COX7B2: variants seen among roughly 807,000 people sequenced by gnomAD.
COX7B2 encodes cytochrome c oxidase subunit 7B2, mitochondrial.
For synonymous variants in COX7B2, 37 were observed against 32.1 expected (o/e 1.15, Z -0.51); for missense variants, 109 against 95.9 (o/e 1.14, Z -0.57).
At chr4:46,845,690 C>T (rs1012643288) in intron 1 of COX7B2, among the ~76,000 whole-genome samples, 1 of 151,718 alleles carries the variant, frequency 6.6e-6, no homozygotes, top group Non-Finnish European at 1.5e-5. Flanking sequence ...AAAAACAGTC[C>T]ACAGAAGAAA....
chr4:46,738,403 C>A (rs1162626488), intron 2 of COX7B2, among the ~76,000 whole-genome samples: 2 of 152,058 alleles, frequency 1.3e-5, no homozygotes, highest in Non-Finnish European at 2.9e-5. Flanking sequence ...ACTAAGAATT[C>A]TCCTTTAGGA....
intron 2 of COX7B2, among the ~76,000 whole-genome samples, chr4:46,765,087 A>T (rs995090752): frequency 6.6e-6 from 1 of 152,008 alleles, no homozygotes; most frequent in South Asian, 2.1e-4. Flanking sequence ...TGTCAACAAG[A>T]TGGCAGAATG....
At chr4:46,764,213 T>C (rs753068954) in intron 2 of COX7B2, among the ~76,000 whole-genome samples, 3 of 152,194 alleles carry the variant, frequency 2.0e-5, no homozygotes, top group Non-Finnish European at 4.4e-5. Context: ...TTTTTGAAGA[T>C]GCTATCCATT....
chr4:46,861,425 G>A (rs1212804585), intron 1 of COX7B2, among the ~76,000 whole-genome samples: 1 of 152,118 alleles, frequency 6.6e-6, no homozygotes, highest in Non-Finnish European at 1.5e-5. Flanking sequence ...CTCTGTGTCT[G>A]GTAGAGAACC....
chr4:46,774,061 C>T (rs1717027662), intron 2 of COX7B2, among the ~76,000 whole-genome samples: 1 of 152,120 alleles, frequency 6.6e-6, no homozygotes, highest in African/African-American at 2.4e-5. Flanking sequence ...ACAGTCAGAT[C>T]CAACAGAATT....
chr4:46,827,421 T>C (rs530647980), intron 2 of COX7B2, among the ~76,000 whole-genome samples: 1 of 152,122 alleles, frequency 6.6e-6, no homozygotes, highest in South Asian at 2.1e-4. Context: ...GGTTTTTGTA[T>C]CACAAACAGC....
chr4:46,805,928 C>T (rs1718973765), intron 2 of COX7B2, among the ~76,000 whole-genome samples: 1 of 152,112 alleles, frequency 6.6e-6, no homozygotes, highest in East Asian at 1.9e-4. Context: ...AGAAATTATC[C>T]TTAAAATCAC....
intron 1 of COX7B2, among the ~76,000 whole-genome samples, chr4:46,852,589 C>G (rs185538782): frequency 2.0e-5 from 3 of 151,770 alleles, no homozygotes; most frequent in Non-Finnish European, 4.4e-5. Flanking sequence ...CACACACACA[C>G]AGAGCTGATT....
chr4:46,816,558 C>A (rs1002376228), intron 2 of COX7B2, among the ~76,000 whole-genome samples: 3 of 152,082 alleles, frequency 2.0e-5, no homozygotes, highest in Non-Finnish European at 4.4e-5. Context: ...TATAATTTGT[C>A]TGAAACTTGT....
intron 2 of COX7B2, among the ~76,000 whole-genome samples, chr4:46,793,708 G>T (rs1718170220): frequency 6.6e-6 from 1 of 152,184 alleles, no homozygotes; most frequent in Admixed American, 6.5e-5. Flanking sequence ...ATCAAACAGA[G>T]AATCTCATCC....
At chr4:46,776,778 T>C (rs930298917) in intron 2 of COX7B2, among the ~76,000 whole-genome samples, 2 of 152,120 alleles carry the variant, frequency 1.3e-5, no homozygotes, top group African/African-American at 4.8e-5. Flanking sequence ...GTAAAGATCA[T>C]GAACCTCACC....
At position 46,783,734 on chromosome 4, in the gene COX7B2, A is replaced by C. The variant is rs182106715; in HGVS notation, c.-49-48493T>G. ...GAACAAAAGTCAAACTAGCTTAAACAAAAAGGGAAGGGCAGGGCAGGAAAG... is the reference window on the plus strand; with the variant it reads ...GAACAAAAGTCAAACTAGCTTAAACCAAAAGGGAAGGGCAGGGCAGGAAAG... On this transcript the variant is annotated intron_variant, in intron 2 of 2. Transcript: ENST00000355591. Among the ~76,000 whole-genome samples, 429 of 151,272 alleles carry C rather than the reference A, an allele frequency of 2.8e-3. 3 individuals carry two copies. Among genetic ancestry groups the C allele is most frequent in the African/African-American group, 0.01 (418 of 40,616 alleles).
At chr4:46,888,562 GC>G (rs1414589186) in intron 1 of COX7B2, among the ~76,000 whole-genome samples, 1 of 151,582 alleles carries the variant, frequency 6.6e-6, no homozygotes, top group Non-Finnish European at 1.5e-5. Flanking sequence ...TCCTGCCTCA[GC>G]CTCCTGAGTA....
Position 46,752,346 on chromosome 4 carries a change from C to A in COX7B2, c.-49-17105G>T, listed in dbSNP as rs568882391. Among the ~76,000 whole-genome samples the A allele has an allele frequency of 3.7e-3, 565 of 151,356 alleles. 2 individuals are homozygous for A. The highest frequency in any genetic ancestry group is 5.7e-3 in the Non-Finnish European group (384 of 67,790). ...GAGAGGATGGGGTTTTCTAGATATA[C>A]AATCATGTCATCTGCAAACAGGGAC... On this transcript the variant is annotated intron_variant, in intron 2 of 2. Transcript: ENST00000355591.
In COX7B2 at chr4:46,854,677, A is replaced by C. The variant is rs1203740017; in HGVS notation, c.-104-9663T>G. 2.0e-5 allele frequency among the ~76,000 whole-genome samples: 3 copies of C among 152,228 alleles called. No individual in the cohort carries two copies. In the East Asian group the frequency reaches 5.8e-4, roughly 29 times the overall value. The stretch of plus-strand genomic sequence containing the variant: ...TCAGGAACAAAATCTGGCAGCATGT[A>C]TCAAAAGATGTTTATTACAGAATAT... On this transcript the variant is annotated intron_variant, in intron 1 of 2. Transcript: ENST00000355591.
At chr4:46,783,342 G>A (rs1717583859) in intron 2 of COX7B2, among the ~76,000 whole-genome samples, 1 of 152,228 alleles carries the variant, frequency 6.6e-6, no homozygotes, top group African/African-American at 2.4e-5. Context: ...TAATTGACCT[G>A]TAACCAGGTA....
At chr4:46,797,011 G>T (rs1427907897) in intron 2 of COX7B2, among the ~76,000 whole-genome samples, 1 of 91,428 alleles carries the variant, frequency 1.1e-5, no homozygotes, top group African/African-American at 5.3e-5. Flanking sequence ...ATTAGTGGGT[G>T]CAGCGCACAA....
chr4:46,807,141 A>C (rs1267568757), intron 2 of COX7B2, among the ~76,000 whole-genome samples: 1 of 151,946 alleles, frequency 6.6e-6, no homozygotes, highest in Non-Finnish European at 1.5e-5. Context: ...CACAGTGTAC[A>C]AGAGATCCCT....
intron 2 of COX7B2, among the ~76,000 whole-genome samples, chr4:46,807,150 C>T (rs1325325724): frequency 6.6e-6 from 1 of 151,838 alleles, no homozygotes; most frequent in Non-Finnish European, 1.5e-5. Flanking sequence ...CAAGAGATCC[C>T]TCTTCTCCAC....
Sources: gnomAD v4.1 joint callset for allele counts (sites outside exome capture counted in the v4.1 genomes callset) on GRCh38, gnomAD v4.1.1 for gene constraint, MANE v1.5 for transcripts, NCBI Gene and HGNC (gene_info 2026-07-23, HGNC 2026-07-21) for gene names.